CDH12: variants seen among roughly 807,000 people sequenced by gnomAD.
CDH12 encodes cadherin-12.
A neutral mutation model predicts 74.1 loss-of-function variants in CDH12; 41 were observed. The ratio of observed to expected loss-of-function variants is 0.55; its 90% CI spans 0.43 to 0.72. The LOEUF (loss-of-function observed/expected upper bound fraction) is 0.72, where lower values mean the gene tolerates loss of function less well. Ranked by LOEUF, CDH12 falls within the 30% of genes least tolerant of loss-of-function variation. CDH12 has a pLI of 0.00. For missense variants in CDH12, 945 were observed against 977.2 expected, an observed-to-expected ratio of 0.97 and a Z score of 0.44; for synonymous variants, 399 against 355.0, an observed-to-expected ratio of 1.12 and a Z score of -1.39.
At position 22,816,060 on chromosome 5, in the gene CDH12, G is replaced by C. The variant is rs192554399; in HGVS notation, c.-523+36998C>G. Among the ~76,000 whole-genome samples, 245 of 152,202 alleles carry C rather than the reference G, an allele frequency of 1.6e-3. 1 individual carries two copies. The highest frequency in any genetic ancestry group is 4.5e-3 in the Admixed American group (69 of 15,278). On this transcript the variant is annotated intron_variant, in intron 1 of 14. Coordinates refer to ENST00000382254, the MANE Select transcript of CDH12 (RefSeq NM_004061.5). Reference sequence around the variant, plus strand: ...CATTATGAATGCAGCGATTTTACTTGGTTCTTACCAGAACCAGAATTTGTA... The same window carrying C: ...CATTATGAATGCAGCGATTTTACTTCGTTCTTACCAGAACCAGAATTTGTA...
chr5:22,620,531 A>T (rs1561533126), intron 1 of CDH12, among the ~76,000 whole-genome samples: 1 of 152,030 alleles, frequency 6.6e-6, no homozygotes, highest in East Asian at 1.9e-4. Context: ...CAAAAATACC[A>T]TTAAAAAATA....
At chr5:22,527,149 C>T (rs1219744339) in intron 1 of CDH12, among the ~76,000 whole-genome samples, 4 of 152,106 alleles carry the variant, frequency 2.6e-5, no homozygotes, top group Non-Finnish European at 5.9e-5. Flanking sequence ...AGTTCAACTG[C>T]TAAAAGTTCT....
At chr5:22,561,666 A>C (rs1739054373) in intron 1 of CDH12, among the ~76,000 whole-genome samples, 1 of 152,176 alleles carries the variant, frequency 6.6e-6, no homozygotes, top group Non-Finnish European at 1.5e-5. Context: ...GTTATATAGA[A>C]AGGCGAGGGC....
intron 1 of CDH12, among the ~76,000 whole-genome samples, chr5:22,831,900 C>A (rs1201306316): frequency 2.7e-5 from 4 of 146,970 alleles, no homozygotes; most frequent in African/African-American, 7.5e-5. Context: ...CTGTCCCCCC[C>A]AAAAAAAAAA....
intron 1 of CDH12, among the ~76,000 whole-genome samples, chr5:22,623,269 C>T (rs1284335111): frequency 1.3e-5 from 2 of 151,360 alleles, no homozygotes; most frequent in Admixed American, 6.6e-5. Context: ...CAAGACAAGG[C>T]TCTCTCACCA....
At chr5:22,369,701 G>A (rs555881338) in intron 3 of CDH12, among the ~76,000 whole-genome samples, 3 of 152,108 alleles carry the variant, frequency 2.0e-5, no homozygotes, top group East Asian at 1.9e-4. Context: ...TAAGCTCTTC[G>A]AACACACAAA....
At chr5:22,797,567 G>T (rs893421307) in intron 1 of CDH12, among the ~76,000 whole-genome samples, 2 of 152,092 alleles carry the variant, frequency 1.3e-5, no homozygotes, top group African/African-American at 2.4e-5. Context: ...ACTCCTAAAA[G>T]CAGAACAAGA....
Position 22,032,506 on chromosome 5 carries a change from T to C in CDH12, c.231+45940A>G, listed in dbSNP as rs1738886549. Among the ~76,000 whole-genome samples the C allele has an allele frequency of 2.0e-5, 3 of 151,978 alleles. No individual in the cohort carries two copies. In the South Asian group the frequency reaches 6.2e-4, roughly 32 times the overall value. The stretch of plus-strand genomic sequence containing the variant: ...CAGGTGGATCACCTGAGGTTGGGCA[T>C]TCAAGACCAGCCTAGCCAACATGGT... On this transcript the variant is annotated intron_variant, in intron 5 of 14. Transcript: ENST00000382254.
At chr5:22,832,820 ATAT>A (rs1465591250) in intron 1 of CDH12, among the ~76,000 whole-genome samples, 2 of 152,154 alleles carry the variant, frequency 1.3e-5, no homozygotes, top group Non-Finnish European at 2.9e-5. Context: ...TTTGATACAA[ATAT>A]TATTTTTGCT....
At chr5:22,454,151 A>T (rs1389884129) in intron 2 of CDH12, among the ~76,000 whole-genome samples, 1 of 152,146 alleles carries the variant, frequency 6.6e-6, no homozygotes, top group Non-Finnish European at 1.5e-5. Context: ...AAGGGGGAGA[A>T]GATTTGAATT....
At chr5:22,851,971 A>C (rs947950791) in intron 1 of CDH12, among the ~76,000 whole-genome samples, 1 of 152,188 alleles carries the variant, frequency 6.6e-6, no homozygotes, top group Non-Finnish European at 1.5e-5. Context: ...AGTGAAGATC[A>C]AGCAAACTAA....
intron 1 of CDH12, among the ~76,000 whole-genome samples, chr5:22,622,402 C>T (rs1209622102): frequency 6.6e-6 from 1 of 152,044 alleles, no homozygotes; most frequent in African/African-American, 2.4e-5. Flanking sequence ...AAGCTGGGAA[C>T]CCTGCACAGG....
intron 5 of CDH12, among the ~76,000 whole-genome samples, chr5:21,994,956 A>G (rs754276774): frequency 3.9e-5 from 6 of 152,074 alleles, no homozygotes; most frequent in Admixed American, 6.6e-5. Context: ...CCTCTTCTAC[A>G]CTGTGGAAGC....
intron 1 of CDH12, among the ~76,000 whole-genome samples, chr5:22,599,016 T>C (rs1283147890): frequency 6.6e-6 from 1 of 152,216 alleles, no homozygotes; most frequent in Non-Finnish European, 1.5e-5. Flanking sequence ...TTGCATGCCT[T>C]ATTAGCTCTC....
chr5:22,766,336 GA>G (rs1184684643), intron 1 of CDH12, among the ~76,000 whole-genome samples: 3 of 151,826 alleles, frequency 2.0e-5, no homozygotes, highest in Non-Finnish European at 4.4e-5. Context: ...TTTAGAGTTA[GA>G]AAAAAATTAA....
chr5:21,859,032 C>T (rs1750894764), intron 6 of CDH12, among the ~76,000 whole-genome samples: 1 of 151,794 alleles, frequency 6.6e-6, no homozygotes, highest in Non-Finnish European at 1.5e-5. Context: ...CAATATATTC[C>T]TATTAGCTGG....
intron 1 of CDH12, among the ~76,000 whole-genome samples, chr5:22,742,320 A>T (rs1030451725): frequency 3.9e-5 from 6 of 152,200 alleles, no homozygotes; most frequent in African/African-American, 1.4e-4. Flanking sequence ...GATCCTGAGG[A>T]CCAGAGGAGT....
intron 3 of CDH12, among the ~76,000 whole-genome samples, chr5:22,368,260 T>G (rs757482697): frequency 6.6e-6 from 1 of 152,072 alleles, no homozygotes; most frequent in Non-Finnish European, 1.5e-5. Flanking sequence ...TGAGATATTT[T>G]TATTAATTTG....
chr5:22,600,253 C>T (rs191940807), intron 1 of CDH12, among the ~76,000 whole-genome samples: 21 of 152,222 alleles, frequency 1.4e-4, no homozygotes, highest in African/African-American at 4.3e-4. Context: ...CAATGCTATT[C>T]GTGTCTCCTC....
Sources: gnomAD v4.1 joint callset for allele counts (sites outside exome capture counted in the v4.1 genomes callset) on GRCh38, gnomAD v4.1.1 for gene constraint, MANE v1.5 for transcripts, NCBI Gene and HGNC (gene_info 2026-07-23, HGNC 2026-07-21) for gene names.